Variants in ACBD6 observed in about 807,000 individuals in gnomAD.
ACBD6 encodes the protein acyl-CoA-binding domain-containing protein 6.
A neutral mutation model predicts 37.2 loss-of-function variants in ACBD6; 28 were observed. The ratio of observed to expected loss-of-function variants is 0.75; its 90% CI spans 0.56 to 1.03. The LOEUF is 1.03. Ranked by LOEUF, ACBD6 falls within the 50% of genes least tolerant of loss-of-function variation. The probability of loss-of-function intolerance (pLI) is 0.00; values close to 1 mark genes in which losing one functional copy is unlikely to be tolerated. For missense variants in ACBD6, 340 were observed against 337.4 expected (o/e 1.01, Z -0.06); for synonymous variants, 113 against 126.8 (o/e 0.89, Z 0.73).
chr1:180,482,327 T>C (rs1278806416), intron 3 of ACBD6, among the ~76,000 whole-genome samples: 1 of 152,124 alleles, frequency 6.6e-6, no homozygotes, highest in Admixed American at 6.5e-5. Context: ...AACCACTTAT[T>C]TGGCTGCTGG....
intron 9 of ACBD6, chr1:180,277,612 C>CT (rs1225153446): frequency 6.6e-6 from 1 of 152,154 alleles, no homozygotes; most frequent in African/African-American, 2.4e-5. Flanking sequence ...GATTTAAGGG[C>CT]TAAGAAGCTG....
At chr1:180,433,667 T>A (rs1648905005) in intron 3 of ACBD6, among the ~76,000 whole-genome samples, 1 of 151,982 alleles carries the variant, frequency 6.6e-6, no homozygotes, top group Non-Finnish European at 1.5e-5. Flanking sequence ...GAGATTTGTT[T>A]TTGTCCATGG....
chr1:180,386,044 C>A (rs1334311249), intron 6 of ACBD6, among the ~76,000 whole-genome samples: 2 of 152,116 alleles, frequency 1.3e-5, no homozygotes, highest in Non-Finnish European at 2.9e-5. Context: ...GTGGTGCGTA[C>A]CTGTAGCCCC....
At chr1:180,404,566 T>A (rs1342439794) in intron 5 of ACBD6, among the ~76,000 whole-genome samples, 1 of 152,138 alleles carries the variant, frequency 6.6e-6, no homozygotes, top group Admixed American at 6.5e-5. Flanking sequence ...CAAGTGATTC[T>A]CTTGCCTCAG....
At chr1:180,472,789 G>A (rs567095446) in intron 3 of ACBD6, among the ~76,000 whole-genome samples, 1 of 152,194 alleles carries the variant, frequency 6.6e-6, no homozygotes, top group South Asian at 2.1e-4. Flanking sequence ...TATTATTATT[G>A]TAAGACTTCA....
intron 9 of ACBD6, among the ~76,000 whole-genome samples, chr1:180,279,266 A>ATAAC (rs1649231154): frequency 6.6e-6 from 1 of 152,186 alleles, no homozygotes; most frequent in African/African-American, 2.4e-5. Context: ...TGTTGACCAT[A>ATAAC]TAACTTTTAG....
At chr1:180,466,498 T>C (rs1650350937) in intron 3 of ACBD6, among the ~76,000 whole-genome samples, 1 of 152,200 alleles carries the variant, frequency 6.6e-6, no homozygotes, top group South Asian at 2.1e-4. Context: ...TTGATTATAG[T>C]GTTCATGCAA....
intron 6 of ACBD6, among the ~76,000 whole-genome samples, chr1:180,373,288 C>G (rs1653326352): frequency 6.6e-6 from 1 of 152,124 alleles, no homozygotes; most frequent in African/African-American, 2.4e-5. Flanking sequence ...ATACAAAAAT[C>G]AAAGTACTTG....
intron 5 of ACBD6, among the ~76,000 whole-genome samples, chr1:180,412,601 C>T (rs902844983): frequency 3.9e-5 from 6 of 152,158 alleles, no homozygotes; most frequent in African/African-American, 1.2e-4. Context: ...CACAGTGGCT[C>T]ATGCCTATAA....
At chr1:180,455,633 G>A (rs1649886417) in intron 3 of ACBD6, among the ~76,000 whole-genome samples, 1 of 152,050 alleles carries the variant, frequency 6.6e-6, no homozygotes, top group South Asian at 2.1e-4. Flanking sequence ...AATTCACTCT[G>A]TAGAATTCAT....
intron 7 of ACBD6, among the ~76,000 whole-genome samples, chr1:180,307,500 TAA>T (rs942479607): frequency 1.3e-5 from 2 of 152,088 alleles, no homozygotes; most frequent in Admixed American, 1.3e-4. Flanking sequence ...TCAAAATAGG[TAA>T]AAGAGTTTAA....
At chr1:180,393,834 C>T (rs1220182901) in intron 6 of ACBD6, among the ~76,000 whole-genome samples, 1 of 152,152 alleles carries the variant, frequency 6.6e-6, no homozygotes, top group Admixed American at 6.5e-5. Flanking sequence ...CATGTGAATA[C>T]AAAGGAAAAC....
intron 7 of ACBD6, among the ~76,000 whole-genome samples, chr1:180,312,286 C>T (rs941011998): frequency 3.9e-5 from 6 of 151,916 alleles, no homozygotes; most frequent in East Asian, 3.8e-4. Flanking sequence ...GAAGGTTTTA[C>T]GTGCCTTTTG....
At chr1:180,374,849 TAAA>T (rs1217384814) in intron 6 of ACBD6, among the ~76,000 whole-genome samples, 5 of 152,084 alleles carry the variant, frequency 3.3e-5, no homozygotes, top group African/African-American at 1.2e-4. Flanking sequence ...ATGAAAAACT[TAAA>T]AACAGTAAAC....
At chr1:180,330,079 G>A (rs183449620) in intron 6 of ACBD6, among the ~76,000 whole-genome samples, 90 of 152,140 alleles carry the variant, frequency 5.9e-4, no homozygotes, top group African/African-American at 2.0e-3. Context: ...TTCTCTGGAC[G>A]TCTTTCTTAT....
At chr1:180,414,764 G>A (rs1226935014) in intron 4 of ACBD6, among the ~76,000 whole-genome samples, 1 of 152,322 alleles carries the variant, frequency 6.6e-6, no homozygotes, top group Admixed American at 6.5e-5. Flanking sequence ...TAGGTTTTAA[G>A]TAAGAAATCA....
intron 7 of ACBD6, among the ~76,000 whole-genome samples, chr1:180,302,324 A>C (rs1051946958): frequency 1.3e-5 from 2 of 151,282 alleles, no homozygotes; most frequent in African/African-American, 4.9e-5. Flanking sequence ...AGTTTTTTTC[A>C]AGTTGTCAGG....
chr1:180,381,172 G>C (rs1293543208), intron 6 of ACBD6, among the ~76,000 whole-genome samples: 1 of 152,120 alleles, frequency 6.6e-6, no homozygotes, highest in Admixed American at 6.5e-5. Context: ...GGTTACAATT[G>C]TAAACATACA....
chr1:180,353,121 C>G (rs1652480457), intron 6 of ACBD6, among the ~76,000 whole-genome samples: 2 of 152,098 alleles, frequency 1.3e-5, no homozygotes, highest in South Asian at 4.1e-4. Context: ...AATGTATGCT[C>G]CAAAAGAACG....
Sources: allele counts gnomAD v4.1 joint callset (sites outside exome capture counted in the v4.1 genomes callset), GRCh38; gene constraint gnomAD v4.1.1; transcripts MANE v1.5; gene names NCBI Gene and HGNC (gene_info 2026-07-23, HGNC 2026-07-21).